The following DIPK1A variants were observed in gnomAD, a reference collection of about 807,000 sequenced individuals.
The protein encoded by DIPK1A is family with sequence similarity 69 member A.
In DIPK1A, 27 loss-of-function variants were observed where a neutral mutation model predicts 40.8. That is an observed-to-expected ratio of 0.66 (90% confidence interval 0.49 to 0.91). The LOEUF (loss-of-function observed/expected upper bound fraction) is 0.91, where lower values mean the gene tolerates loss of function less well. Ranked by LOEUF, DIPK1A falls within the 40% of genes least tolerant of loss-of-function variation. The pLI is 0.00. For missense variants in DIPK1A, 412 were observed against 505.7 expected (o/e 0.81, Z 1.78); for synonymous variants, 166 against 171.3 (o/e 0.97, Z 0.24).
chr1:92,955,838 C>T (rs1651831860), intron 1 of DIPK1A, among the ~76,000 whole-genome samples: 1 of 151,918 alleles, frequency 6.6e-6, no homozygotes, highest in African/African-American at 2.4e-5. Context: ...CCCAAGAATT[C>T]AAGACCAGCC....
chr1:92,833,721 A>C, intron 4 of DIPK1A: 9 of 1,319,126 alleles, frequency 6.8e-6, no homozygotes, highest in Non-Finnish European at 9.8e-6. Flanking sequence ...CTTGGGAAGC[A>C]AAGCACATGG....
chr1:92,911,276 G>C (rs1649814425), intron 1 of DIPK1A, among the ~76,000 whole-genome samples: 1 of 152,212 alleles, frequency 6.6e-6, no homozygotes. Context: ...AGAGGCCCCA[G>C]AAAGCTGTCT....
chr1:92,917,702 A>G (rs1235118227), intron 1 of DIPK1A, among the ~76,000 whole-genome samples: 1 of 152,232 alleles, frequency 6.6e-6, no homozygotes, highest in Non-Finnish European at 1.5e-5. Flanking sequence ...TGGTCTGCCA[A>G]AAGTCCACAC....
intron 1 of DIPK1A, among the ~76,000 whole-genome samples, chr1:92,959,251 A>C (rs1651962446): frequency 6.6e-6 from 1 of 152,100 alleles, no homozygotes; most frequent in Non-Finnish European, 1.5e-5. Flanking sequence ...GCACCACTGC[A>C]CTCCAGCCTG....
chr1:92,892,802 T>A (rs1648957656), intron 1 of DIPK1A, among the ~76,000 whole-genome samples: 1 of 109,176 alleles, frequency 9.2e-6, no homozygotes, highest in African/African-American at 3.7e-5. Context: ...AGAGAAGTCC[T>A]TAAAGGACCT....
chr1:92,910,377 C>T (rs1649784265), intron 1 of DIPK1A, among the ~76,000 whole-genome samples: 1 of 152,126 alleles, frequency 6.6e-6, no homozygotes, highest in Non-Finnish European at 1.5e-5. Context: ...GAATCAGAAT[C>T]CGTAGGGAGT....
chr1:92,867,642 A>G (rs944670467), intron 2 of DIPK1A, among the ~76,000 whole-genome samples: 1 of 152,002 alleles, frequency 6.6e-6, no homozygotes, highest in African/African-American at 2.4e-5. Context: ...ACTAGCTGGG[A>G]TTATAGGCGT....
chr1:92,906,421 T>C (rs1649625404), intron 1 of DIPK1A, among the ~76,000 whole-genome samples: 1 of 152,136 alleles, frequency 6.6e-6, no homozygotes, highest in African/African-American at 2.4e-5. Context: ...CCCAAAATGG[T>C]TTGGAATTTG....
At chr1:92,891,560 A>C (rs1407989116) in intron 1 of DIPK1A, among the ~76,000 whole-genome samples, 1 of 152,202 alleles carries the variant, frequency 6.6e-6, no homozygotes, top group African/African-American at 2.4e-5. Context: ...GAACAGCTCC[A>C]GTCTACAGCT....
chr1:92,845,243 G>A (rs964909372), intron 4 of DIPK1A, among the ~76,000 whole-genome samples: 10 of 148,186 alleles, frequency 6.7e-5, no homozygotes, highest in East Asian at 2.0e-4. Flanking sequence ...CACCGCGCCC[G>A]GCCTATATTG....
At chr1:92,897,723 T>G (rs973506682) in intron 1 of DIPK1A, among the ~76,000 whole-genome samples, 1 of 152,114 alleles carries the variant, frequency 6.6e-6, no homozygotes, top group African/African-American at 2.4e-5. Context: ...GCTGTTTAAT[T>G]TCCTGTTTGT....
chr1:92,846,579 G>C, intron 4 of DIPK1A: 1 of 432,596 alleles, frequency 2.3e-6, no homozygotes, highest in South Asian at 1.6e-5. Flanking sequence ...GACATTTTTA[G>C]CTATCATAAA....
rs1652092433 is a variant in DIPK1A at position 92,961,451 on chromosome 1, C to CAAT, written c.-23_-22insATT. The CAAT allele has an allele frequency of 2.0e-6, 3 of 1,477,892 alleles. No individual in the cohort carries two copies. The African/African-American group carries it at 4.4e-5, about 22-fold the overall frequency. The allele number at this position is 1,477,892 out of a possible 1,614,324, so 91.5% of individuals were successfully genotyped here. A position where few individuals can be genotyped will look rare whatever the true frequency, so the allele number is the denominator to read the frequency against. On this transcript the variant is annotated 5_prime_UTR_variant, in exon 1 of 5. Transcript: ENST00000370310. ...CCATGGTAATCACACATCGCCCCGC[C>CAAT]GCGCTGCAGTCAGAGGCGGACCCGA...
chr1:92,885,410 C>A (rs1468952429), intron 1 of DIPK1A, among the ~76,000 whole-genome samples: 1 of 152,086 alleles, frequency 6.6e-6, no homozygotes, highest in Admixed American at 6.5e-5. Context: ...ACTCTGTCTC[C>A]CAGGCTGGAG....
intron 1 of DIPK1A, among the ~76,000 whole-genome samples, chr1:92,944,217 T>C (rs1291081503): frequency 1.3e-5 from 2 of 151,690 alleles, no homozygotes; most frequent in African/African-American, 2.4e-5. Context: ...AGAAAAGACA[T>C]AAAGAACCAA....
At chr1:92,916,871 T>A (rs1650075392) in intron 1 of DIPK1A, among the ~76,000 whole-genome samples, 1 of 152,182 alleles carries the variant, frequency 6.6e-6, no homozygotes, top group Non-Finnish European at 1.5e-5. Flanking sequence ...ATAATCTAAA[T>A]TAACTGACAA....
downstream of DIPK1A, chr1:92,837,343 A>G (rs368454833): frequency 3.3e-6 from 3 of 905,222 alleles, no homozygotes; most frequent in Admixed American, 3.4e-5. Context: ...CTTTGGTTGC[A>G]TATGATGCGA....
intron 4 of DIPK1A, among the ~76,000 whole-genome samples, 163 bp from the exon 5 acceptor site, chr1:92,844,358 C>T (rs1687504249): frequency 6.6e-6 from 1 of 152,206 alleles, no homozygotes; most frequent in Non-Finnish European, 1.5e-5. Flanking sequence ...TATGATACTT[C>T]CTAAGTGAAC....
chr1:92,849,348 GTTTTTT>G (rs71586765), intron 3 of DIPK1A, among the ~76,000 whole-genome samples: 1 of 144,436 alleles, frequency 6.9e-6, no homozygotes, highest in African/African-American at 2.6e-5. Context: ...GTTTTTTTTT[GTTTTTT>G]TTTTTTTTTT....
Sources: allele counts gnomAD v4.1 joint callset (sites outside exome capture counted in the v4.1 genomes callset), GRCh38; gene constraint gnomAD v4.1.1; transcripts MANE v1.5; gene names NCBI Gene and HGNC (gene_info 2026-07-23, HGNC 2026-07-21).